Variants in MYOM1 observed in about 807,000 individuals in gnomAD.
The protein encoded by MYOM1 is myomesin 1.
In MYOM1, 164 loss-of-function variants were observed where a neutral mutation model predicts 205.3. The ratio of observed to expected loss-of-function variants is 0.80; its 90% confidence interval spans 0.70 to 0.91. MYOM1 has a LOEUF of 0.91. Among genes scored for constraint, MYOM1 ranks in the 40% least tolerant of loss-of-function variants. The pLI, the probability that MYOM1 is intolerant of heterozygous loss-of-function variation, is 0.00. For synonymous variants in MYOM1, 772 were observed against 789.4 expected (o/e 0.98, Z 0.37); for missense variants, 2,011 against 2,127.3 (o/e 0.95, Z 1.08).
chr18:3,156,564 C>T (rs1385216218), intron 10 of MYOM1, among the ~76,000 whole-genome samples: 2 of 152,024 alleles, frequency 1.3e-5, no homozygotes, highest in Non-Finnish European at 2.9e-5. Context: ...TCTCTGCGTG[C>T]CACTCAGTGG....
intron 10 of MYOM1, among the ~76,000 whole-genome samples, chr18:3,155,440 G>A (rs1260723523): frequency 2.6e-5 from 4 of 152,180 alleles, no homozygotes; most frequent in African/African-American, 7.2e-5. Flanking sequence ...TAGCCAGGAT[G>A]GTCTTGATCT....
At chr18:3,084,348 G>A (rs565503009) in intron 31 of MYOM1, among the ~76,000 whole-genome samples, 1 of 152,154 alleles carries the variant, frequency 6.6e-6, no homozygotes, top group South Asian at 2.1e-4. Context: ...TAATTCCCAG[G>A]AAGCCTTAGT....
chr18:3,205,677 T>C (rs958088779), intron 2 of MYOM1, among the ~76,000 whole-genome samples: 1 of 152,192 alleles, frequency 6.6e-6, no homozygotes, highest in Non-Finnish European at 1.5e-5. Flanking sequence ...TAGAGTTAAA[T>C]GTAAACTTAG....
chr18:3,080,493 G>A (rs1436139258), intron 33 of MYOM1, among the ~76,000 whole-genome samples: 3 of 151,934 alleles, frequency 2.0e-5, no homozygotes, highest in African/African-American at 4.8e-5. Flanking sequence ...GGCCAACATG[G>A]TGAAACCCTG....
At chr18:3,175,691 A>G (rs1428010993) in intron 6 of MYOM1, among the ~76,000 whole-genome samples, 1 of 152,236 alleles carries the variant, frequency 6.6e-6, no homozygotes, top group Admixed American at 6.5e-5. Context: ...TGGGACTCTG[A>G]AATGATTACT....
rs200102315 is a variant in MYOM1, at chr18:3,112,382, C to A, written c.3334G>T (p.Val1112Leu). The A allele has an allele frequency of 6.2e-7, 1 of 1,610,342 alleles. No individual in the cohort carries two copies. Among genetic ancestry groups the A allele is most frequent in the African/African-American group, 1.3e-5 (1 of 75,000 alleles). The part of the protein sequence containing the change: ...VRGLKEGVSY[V>L]FRVRAINQAG... ...TGGTTTATGGCTCGAACACGGAACA[C>A]GTAGCTGACGCCCTCCTTGAGGCCT... The change falls in exon 22 of 38, where the codon GTG becomes TTG. Residue 1112 changes from valine (V) to leucine (L), a missense_variant. Coordinates refer to ENST00000356443, the MANE Select transcript of MYOM1 (RefSeq NM_003803.4).
chr18:3,200,429 C>A (rs1178076571), intron 2 of MYOM1, among the ~76,000 whole-genome samples: 1 of 152,024 alleles, frequency 6.6e-6, no homozygotes, highest in Non-Finnish European at 1.5e-5. Flanking sequence ...ACAAAGACTT[C>A]AAAGCAGCAA....
chr18:3,219,270 C>T lies in MYOM1; in HGVS notation c.-29+533G>A, dbSNP rs2081304510. ...ATCACTATGTGGGGCTCTATGTTGC[C>T]TCTGAAATATTACTTAACCATTTGA... On this transcript the variant is annotated intron_variant, in intron 1 of 37. Transcript: ENST00000356443. This position sits in a 1 kb window ranked among gnomAD's most constrained non-coding sequence, Gnocchi z 4.4. Among the ~76,000 whole-genome samples the T allele has an allele frequency of 6.6e-6, 1 of 152,030 alleles. No individual in the cohort carries two copies. Among genetic ancestry groups the T allele is most frequent in the Non-Finnish European group, 1.5e-5 (1 of 68,012 alleles).
At chr18:3,244,830 C>T in the MYOM1 span, among the ~76,000 whole-genome samples, 1 of 151,522 alleles carries the variant, frequency 6.6e-6, no homozygotes, top group Admixed American at 6.6e-5. Flanking sequence ...ACCTAGGAGG[C>T]AGAGGTTGCA....
intron 3 of MYOM1, among the ~76,000 whole-genome samples, chr18:3,193,361 T>TACATATATATATACACACAC (rs1598758731): frequency 2.9e-5 from 4 of 135,882 alleles, no homozygotes; most frequent in African/African-American, 1.2e-4. Flanking sequence ...TATATATATA[T>TACATATATATATACACACAC]ACACACACAC....
At chr18:3,236,844 C>A in the MYOM1 span, among the ~76,000 whole-genome samples, 1 of 152,148 alleles carries the variant, frequency 6.6e-6, no homozygotes, top group African/African-American at 2.4e-5. Context: ...GAATCCTAGG[C>A]TACTCCATGT....
chr18:3,083,816 T>A lies in MYOM1; in HGVS notation c.4457A>T (p.Glu1486Val), dbSNP rs754703946. Residue 1486 changes from glutamate to valine, a missense_variant, in exon 33 of 38, where the codon GAG becomes GTG. Physicochemically the swap from Glu to Val is moderately radical, Grantham distance 121 (BLOSUM62 -2). Transcript: ENST00000356443. ...QLYSFVTYYV[E>V]DLKVNWSHNG... is the part of the protein sequence containing the mutation. The stretch of plus-strand genomic sequence containing the variant: ...GTGGGACCAGTTAACTTTCAAATCC[T>A]CCACATAGTAAGTTACAAAAGAGTA... The A allele has an allele frequency of 3.2e-6, 5 of 1,576,186 alleles. No homozygotes were observed. In the South Asian group the frequency reaches 4.7e-5, roughly 15 times the overall value.
At chr18:3,081,224 T>C (rs531414326) in intron 33 of MYOM1, among the ~76,000 whole-genome samples, 6 of 152,294 alleles carry the variant, frequency 3.9e-5, no homozygotes, top group African/African-American at 1.4e-4. Flanking sequence ...CTGGGTAACA[T>C]GAATAAGGGT....
chr18:3,116,066 A>G (rs2079600362), intron 21 of MYOM1, among the ~76,000 whole-genome samples: 1 of 152,182 alleles, frequency 6.6e-6, no homozygotes. Context: ...GTAGTGGGTA[A>G]GTTGAGGCAA....
chr18:3,231,250 T>C, the MYOM1 span, among the ~76,000 whole-genome samples: 1 of 152,168 alleles, frequency 6.6e-6, no homozygotes, highest in East Asian at 1.9e-4. Flanking sequence ...ATACACTTAA[T>C]AGAAGGAACG....
chr18:3,185,176 C>T (rs2080793137), intron 5 of MYOM1, among the ~76,000 whole-genome samples: 1 of 152,178 alleles, frequency 6.6e-6, no homozygotes, highest in Non-Finnish European at 1.5e-5. Flanking sequence ...CTCTGAAGTT[C>T]AGCTCTGCTT....
intron 13 of MYOM1, among the ~76,000 whole-genome samples, chr18:3,143,412 G>C (rs1332084894): frequency 6.6e-6 from 1 of 152,148 alleles, no homozygotes; most frequent in Non-Finnish European, 1.5e-5. Flanking sequence ...TGGAAATCTG[G>C]ATTTAAACAA....
chr18:3,090,906 C>A (rs1265298781), intron 26 of MYOM1, 104 bp from the exon 27 acceptor site: 4 of 1,402,790 alleles, frequency 2.9e-6, no homozygotes, highest in Non-Finnish European at 2.9e-6. Context: ...AGGCTAGATG[C>A]AGTGCCTGTT....
chr18:3,102,337 T>C (rs2079390379), intron 23 of MYOM1, 137 bp downstream of exon 23: 8 of 948,628 alleles, frequency 8.4e-6, no homozygotes. Flanking sequence ...AAGTTGGTTA[T>C]TATTTTCTAC....
Sources: gnomAD v4.1 joint callset for allele counts (sites outside exome capture counted in the v4.1 genomes callset) on GRCh38, gnomAD v4.1.1 for gene constraint, Gnocchi (gnomAD v3.1) non-coding constraint, MANE v1.5 for transcripts, NCBI Gene and HGNC (gene_info 2026-07-23, HGNC 2026-07-21) for gene names.